Variants in ZNF831 observed in about 807,000 individuals in gnomAD.
ZNF831 encodes the protein zinc finger protein 831, also known as chromosome 20 open reading frame 174.
A neutral mutation model predicts 95.8 loss-of-function variants in ZNF831; 59 were observed. The observed-to-expected ratio is 0.62, with a 90% CI of 0.50 to 0.77. The LOEUF (loss-of-function observed/expected upper bound fraction) is 0.77. Among genes scored for constraint, ZNF831 ranks in the 30% least tolerant of loss-of-function variants. The pLI, the probability that ZNF831 is intolerant of heterozygous loss-of-function variation, is 0.00. For synonymous variants in ZNF831, 961 were observed against 925.5 expected (o/e 1.04, Z -0.70); for missense variants, 2,205 against 2,164.0 (o/e 1.02, Z -0.38).
chr20:59,212,572 T>C (rs1985416947), intron 4 of ZNF831, among the ~76,000 whole-genome samples: 1 of 152,222 alleles, frequency 6.6e-6, no homozygotes, highest in African/African-American at 2.4e-5. Context: ...TCCTTCCTCA[T>C]TGCATTTGCT....
In ZNF831 at chr20:59,193,945, C is replaced by T. The variant is rs201578806; in HGVS notation, c.2926C>T (p.Arg976Trp). 1.8e-4 allele frequency: 291 copies of T among 1,583,536 alleles called. 1 individual carries two copies. In the Admixed American group the frequency reaches 3.5e-3, roughly 19 times the overall value. ...SLCSSGWPEERASFVGSGLGT... is the reference protein window; with the variant it reads ...SLCSSGWPEEWASFVGSGLGT... Reference sequence around the variant, plus strand: ...CTGCAGCAGTGGGTGGCCTGAAGAACGGGCATCATTTGTTGGGTCAGGACT... The same window carrying T: ...CTGCAGCAGTGGGTGGCCTGAAGAATGGGCATCATTTGTTGGGTCAGGACT... Residue 976 changes from arginine (R) to tryptophan (W), a missense_variant, in exon 2 of 6, where the codon CGG becomes TGG. Coordinates refer to ENST00000371030, the MANE Select transcript of ZNF831 (RefSeq NM_178457.3).
rs765053656 is a variant in ZNF831, at chr20:59,193,033, C to T, written c.2014C>T (p.Pro672Ser). The change falls in exon 2 of 6, where the codon CCC becomes TCC. Residue 672 changes from proline (P) to serine (S), a missense_variant. Transcript: ENST00000371030. Reference protein sequence around the residue: ...KEAAGSSGTVPTQDRRTPVHE... With the variant: ...KEAAGSSGTVSTQDRRTPVHE... ...GGCAGCAGGGAGCTCAGGCACAGTCCCCACCCAAGACAGGAGGACCCCTGT... is the reference window on the plus strand; with the variant it reads ...GGCAGCAGGGAGCTCAGGCACAGTCTCCACCCAAGACAGGAGGACCCCTGT... 9.5e-6 allele frequency: 15 copies of T among 1,574,746 alleles called. No homozygotes were observed. Among genetic ancestry groups the T allele is most frequent in the Middle Eastern group, 1.7e-4 (1 of 5,864 alleles).
At chr20:59,156,296 C>T (rs775378546) in intron 2 of ZNF831, among the ~76,000 whole-genome samples, 31 of 152,260 alleles carry the variant, frequency 2.0e-4, no homozygotes, top group African/African-American at 7.0e-4. Flanking sequence ...GAGGCTGAGG[C>T]GAGCGGATCA....
chr20:59,216,385 A>G (rs1985681921), intron 4 of ZNF831, among the ~76,000 whole-genome samples: 1 of 152,232 alleles, frequency 6.6e-6, no homozygotes, highest in Admixed American at 6.5e-5. Flanking sequence ...GCACTTGCCA[A>G]GAGTTTCGGA....
rs894583179 is a variant in ZNF831 at position 59,257,548 on chromosome 20, G to C, written c.*2805G>C. Reference sequence around the variant, plus strand: ...GGTAACATTAACAACCTAGAACCCAGTTTGGGTTACTAAAAATAAAATGTC... The same window carrying C: ...GGTAACATTAACAACCTAGAACCCACTTTGGGTTACTAAAAATAAAATGTC... On this transcript the variant is annotated 3_prime_UTR_variant, in exon 6 of 6. Coordinates refer to ENST00000371030, the MANE Select transcript of ZNF831 (RefSeq NM_178457.3). The C allele has an allele frequency of 1.3e-5, 2 of 152,076 alleles. No individual in the cohort carries two copies. The highest frequency in any genetic ancestry group is 2.9e-5 in the Non-Finnish European group (2 of 68,018). The allele number at this position is 152,076 out of a possible 1,614,324, so 9.4% of individuals were successfully genotyped here.
chr20:59,215,725 C>T (rs1985635506), intron 4 of ZNF831, among the ~76,000 whole-genome samples: 1 of 152,162 alleles, frequency 6.6e-6, no homozygotes, highest in African/African-American at 2.4e-5. Flanking sequence ...CTACATGTCA[C>T]CTATGTGATT....
chr20:59,211,049 G>GAAAAAAAAAAAA (rs529852271), intron 4 of ZNF831, among the ~76,000 whole-genome samples: 1 of 60,630 alleles, frequency 1.6e-5, no homozygotes, highest in South Asian at 4.8e-4. Flanking sequence ...CAAAAAAAAA[G>GAAAAAAAAAAAA]AAAAAAAAAA....
chr20:59,172,292 C>T (rs1043402362), intron 1 of ZNF831, among the ~76,000 whole-genome samples: 4 of 152,122 alleles, frequency 2.6e-5, no homozygotes, highest in Non-Finnish European at 5.9e-5. Context: ...CTGTTGCTCC[C>T]GTGGCACGCT....
At chr20:59,150,224 C>T (rs1980147574) in intron 2 of ZNF831, among the ~76,000 whole-genome samples, 1 of 152,210 alleles carries the variant, frequency 6.6e-6, no homozygotes, top group Admixed American at 6.5e-5. Context: ...CAATTTTCCT[C>T]ACATGCAACC....
Position 59,219,587 on chromosome 20 carries a change from C to T in ZNF831, c.4027+12531C>T, listed in dbSNP as rs189115274. On this transcript the variant is annotated intron_variant, in intron 4 of 5. Coordinates refer to ENST00000371030, the MANE Select transcript of ZNF831 (RefSeq NM_178457.3). ...CATAGCAGGGGGTGGGGCATGCTTC[C>T]GACGCTCACCCCAAAGGCTTCTCCA... Among the ~76,000 whole-genome samples, 273 of 152,112 alleles carry T rather than the reference C, an allele frequency of 1.8e-3. 1 individual carries two copies. Among genetic ancestry groups the T allele is most frequent in the Non-Finnish European group, 2.2e-3 (150 of 67,982 alleles).
rs141146157 is a variant in ZNF831 at position 59,215,470 on chromosome 20, T to C, written c.4027+8414T>C. On this transcript the variant is annotated intron_variant, in intron 4 of 5. Coordinates refer to ENST00000371030, the MANE Select transcript of ZNF831 (RefSeq NM_178457.3). Reference sequence around the variant, plus strand: ...TTCAGGGCTATATTTCCAATGGAGATTTTAGAAAACTCTCTCAATAACTAA... The same window carrying C: ...TTCAGGGCTATATTTCCAATGGAGACTTTAGAAAACTCTCTCAATAACTAA... Among the ~76,000 whole-genome samples the C allele has an allele frequency of 1.5e-4, 23 of 152,344 alleles. No homozygotes were observed. The East Asian group carries it at 4.2e-3, about 28-fold the overall frequency.
At chr20:59,163,515 T>G (rs1981011792), upstream of ZNF831, among the ~76,000 whole-genome samples, 1 of 152,176 alleles carries the variant, frequency 6.6e-6, no homozygotes. Flanking sequence ...TGGGGTTACA[T>G]GTGGAGGTTC....
chr20:59,177,439 A>ACTGGCTGTTTGCC (rs1196195788), intron 1 of ZNF831, among the ~76,000 whole-genome samples: 1 of 152,202 alleles, frequency 6.6e-6, no homozygotes, highest in Non-Finnish European at 1.5e-5. Flanking sequence ...GGGCCTTTGC[A>ACTGGCTGTTTGCC]CTGGCTGTTT....
intron 1 of ZNF831, among the ~76,000 whole-genome samples, chr20:59,129,325 G>A (rs1207557100): frequency 3.3e-5 from 5 of 151,406 alleles, no homozygotes; most frequent in Admixed American, 2.0e-4. Flanking sequence ...AACCCCCAAC[G>A]CTAACAAGAC....
At chr20:59,137,389 C>T (rs1471102276) in intron 1 of ZNF831, among the ~76,000 whole-genome samples, 1 of 151,760 alleles carries the variant, frequency 6.6e-6, no homozygotes, top group Non-Finnish European at 1.5e-5. Flanking sequence ...CCAATGATGT[C>T]AGGTTGGAGA....
At chr20:59,145,840 G>T (rs913272145) in intron 1 of ZNF831, among the ~76,000 whole-genome samples, 1 of 152,148 alleles carries the variant, frequency 6.6e-6, no homozygotes, top group Admixed American at 6.5e-5. Context: ...GAAAAGAGGG[G>T]ACCAAGGGAG....
intron 3 of ZNF831, among the ~76,000 whole-genome samples, chr20:59,199,206 T>G (rs761284482): frequency 3.3e-5 from 5 of 152,046 alleles, no homozygotes; most frequent in African/African-American, 9.7e-5. Flanking sequence ...TTAATTTCAG[T>G]TGTCTTAATG....
At chr20:59,177,996 T>C (rs910412689) in intron 1 of ZNF831, among the ~76,000 whole-genome samples, 3 of 152,220 alleles carry the variant, frequency 2.0e-5, no homozygotes, top group Non-Finnish European at 4.4e-5. Context: ...AGCCAGTTTT[T>C]CTTTTGGTTT....
At chr20:59,145,858 A>G (rs1979831255) in intron 1 of ZNF831, among the ~76,000 whole-genome samples, 1 of 152,216 alleles carries the variant, frequency 6.6e-6, no homozygotes. Context: ...GAGCCCAGAC[A>G]GAGAAATGCC....
Sources: allele counts gnomAD v4.1 joint callset (sites outside exome capture counted in the v4.1 genomes callset), GRCh38; gene constraint gnomAD v4.1.1; transcripts MANE v1.5; gene names NCBI Gene and HGNC (gene_info 2026-07-23, HGNC 2026-07-21).